The following LRP1B variants were observed in gnomAD, a reference collection of about 807,000 sequenced individuals.
LRP1B encodes low-density lipoprotein receptor-related protein 1B.
LRP1B carries 217 observed loss-of-function variants against 556.6 expected under a neutral mutation model. The ratio of observed to expected loss-of-function variants is 0.39; its 90% CI spans 0.35 to 0.44. The LOEUF (loss-of-function observed/expected upper bound fraction) is 0.44. LRP1B is among the 20% of genes least tolerant of loss of function. The probability of loss-of-function intolerance (pLI) is 1.00; values close to 1 mark genes in which losing one functional copy is unlikely to be tolerated. For synonymous variants in LRP1B, 2,047 were observed against 1,865.8 expected, an observed-to-expected ratio of 1.10 and a Z score of -2.50; for missense variants, 5,053 against 5,620.8, an observed-to-expected ratio of 0.90 and a Z score of 3.23.
Position 140,615,768 on chromosome 2 carries a change from C to CCTTGTACTAGGCTCTTCT in LRP1B, c.6800-14130_6800-14129insAGAAGAGCCTAGTACAAG, listed in dbSNP as rs58884582. On this transcript the variant is annotated intron_variant, in intron 41 of 90. Coordinates refer to ENST00000389484, the MANE Select transcript of LRP1B (RefSeq NM_018557.3). ...GATAAATACCTTCTCAACATGCCTT[C>CCTTGTACTAGGCTCTTCT]CTCACCTCTTTACACTTGTCCATAT... Among the ~76,000 whole-genome samples the CCTTGTACTAGGCTCTTCT allele has an allele frequency of 1.0e-3, 155 of 152,120 alleles. 5 individuals are homozygous for CCTTGTACTAGGCTCTTCT. In the South Asian group the frequency reaches 0.031, roughly 30 times the overall value.
At chr2:140,863,466 A>C (rs1692858764) in intron 27 of LRP1B, among the ~76,000 whole-genome samples, 1 of 152,184 alleles carries the variant, frequency 6.6e-6, no homozygotes, top group Admixed American at 6.5e-5. Flanking sequence ...TAAGCCCTCC[A>C]TTAATTTTAA....
At chr2:141,147,938 C>G (rs1701827304) in intron 7 of LRP1B, among the ~76,000 whole-genome samples, 1 of 152,130 alleles carries the variant, frequency 6.6e-6, no homozygotes, top group African/African-American at 2.4e-5. Context: ...AATACAGTAA[C>G]ATGCTGTGCA....
At position 142,128,986 on chromosome 2, in the gene LRP1B, C is replaced by T. The variant is rs531979283; in HGVS notation, c.82+1662G>A. 1.1e-3 allele frequency among the ~76,000 whole-genome samples: 170 copies of T among 152,276 alleles called. 2 individuals are homozygous for T. Among genetic ancestry groups the T allele is most frequent in the South Asian group, 2.3e-3 (11 of 4,826 alleles). Reference sequence around the variant, plus strand: ...AATGTATACAAAAGCATTGAGAACTCAGCTTTAGATGAAGTCAAATTTCTG... The same window carrying T: ...AATGTATACAAAAGCATTGAGAACTTAGCTTTAGATGAAGTCAAATTTCTG... On this transcript the variant is annotated intron_variant, in intron 1 of 90. Coordinates refer to ENST00000389484, the MANE Select transcript of LRP1B (RefSeq NM_018557.3).
chr2:140,932,949 A>G (rs940547311), intron 20 of LRP1B, among the ~76,000 whole-genome samples: 2 of 151,432 alleles, frequency 1.3e-5, no homozygotes, highest in Admixed American at 1.3e-4. Context: ...ACATATACAC[A>G]TATACATATA....
At chr2:140,291,639 C>G (rs1683394063) in intron 84 of LRP1B, among the ~76,000 whole-genome samples, 1 of 152,010 alleles carries the variant, frequency 6.6e-6, no homozygotes, top group Non-Finnish European at 1.5e-5. Flanking sequence ...AGGACATGAA[C>G]TCATCCTTTC....
chr2:140,251,834 G>A (rs1015408880), intron 86 of LRP1B, among the ~76,000 whole-genome samples: 8 of 151,156 alleles, frequency 5.3e-5, no homozygotes, highest in Admixed American at 4.0e-4. Context: ...TTATGCAAAA[G>A]GATTTTGCAT....
intron 7 of LRP1B, among the ~76,000 whole-genome samples, chr2:141,062,720 G>T (rs983406195): frequency 3.3e-5 from 5 of 151,840 alleles, no homozygotes; most frequent in African/African-American, 1.2e-4. Context: ...GCTCAATGAC[G>T]CTATGAGTGG....
intron 3 of LRP1B, among the ~76,000 whole-genome samples, chr2:141,290,664 A>G (rs971461712): frequency 6.6e-6 from 1 of 152,154 alleles, no homozygotes; most frequent in Non-Finnish European, 1.5e-5. Flanking sequence ...AATATTAAGC[A>G]TGTATCAATG....
rs1367877453 is a variant in LRP1B at position 140,923,050 on chromosome 2, G to A, written c.3234C>T (p.Asp1078=). ...CTTTTTCATCACTACCATCTTCACA[G>A]TCTTTTTCTCCATCACAGCGCCACA... The part of the protein sequence containing the change: ...PDLWRCDGEK[D]CEDGSDEKGC... Residue 1078 remains aspartate (D), a synonymous_variant, in exon 21 of 91, where the codon GAC becomes GAT. Transcript: ENST00000389484. The A allele has an allele frequency of 6.2e-7, 1 of 1,613,148 alleles. No individual in the cohort carries two copies. The highest frequency in any genetic ancestry group is 1.1e-5 in the South Asian group (1 of 91,050).
chr2:141,233,193 A>G (rs1317800938), intron 5 of LRP1B, among the ~76,000 whole-genome samples: 4 of 152,212 alleles, frequency 2.6e-5, no homozygotes, highest in African/African-American at 9.6e-5. Flanking sequence ...ACTTAGTGAG[A>G]GGTAATGAAC....
At chr2:140,831,010 G>T (rs971364727) in intron 31 of LRP1B, among the ~76,000 whole-genome samples, 3 of 151,946 alleles carry the variant, frequency 2.0e-5, no homozygotes, top group Admixed American at 6.6e-5. Flanking sequence ...AGAAATAAAA[G>T]ATCCCTACAA....
Position 141,467,842 on chromosome 2 carries a change from G to GGA in LRP1B, c.343+12553_343+12554insTC, listed in dbSNP as rs1198960807. On this transcript the variant is annotated intron_variant, in intron 3 of 90. Transcript: ENST00000389484. ...GTTTGTTTGTTTGTTTGCGGACCGG[G>GGA]GGGGGGGGAATTCCAGCATACAGTG... Among the ~76,000 whole-genome samples the GGA allele has an allele frequency of 1.4e-4, 21 of 144,910 alleles. 2 individuals carry two copies. The highest frequency in any genetic ancestry group is 4.8e-4 in the African/African-American group (19 of 39,336).
At chr2:141,168,660 A>T (rs991178161) in intron 7 of LRP1B, among the ~76,000 whole-genome samples, 1 of 152,052 alleles carries the variant, frequency 6.6e-6, no homozygotes, top group Non-Finnish European at 1.5e-5. Flanking sequence ...TTTTTATTTT[A>T]ATTAAATTGC....
At chr2:141,111,601 C>T (rs953737219) in intron 7 of LRP1B, among the ~76,000 whole-genome samples, 5 of 152,096 alleles carry the variant, frequency 3.3e-5, no homozygotes, top group African/African-American at 4.8e-5. Context: ...TAGGGGAATA[C>T]GGTGGAGCCA....
intron 1 of LRP1B, among the ~76,000 whole-genome samples, chr2:141,852,814 A>G (rs796915387): frequency 1.3e-5 from 2 of 151,884 alleles, no homozygotes; most frequent in African/African-American, 4.8e-5. Flanking sequence ...AATACAAAAA[A>G]TTAAAAATGC....
At chr2:140,807,110 C>T (rs929400729) in intron 32 of LRP1B, among the ~76,000 whole-genome samples, 6 of 152,282 alleles carry the variant, frequency 3.9e-5, no homozygotes, top group South Asian at 2.1e-4. Flanking sequence ...AACTTGAGTT[C>T]GCCTCACTGT....
At chr2:141,671,332 T>C (rs2105412857) in intron 2 of LRP1B, among the ~76,000 whole-genome samples, 1 of 152,218 alleles carries the variant, frequency 6.6e-6, no homozygotes, top group East Asian at 1.9e-4. Flanking sequence ...CATGTGCGAA[T>C]GTTTAATTGA....
intron 7 of LRP1B, among the ~76,000 whole-genome samples, chr2:141,123,880 A>G (rs1306450041): frequency 1.3e-5 from 2 of 152,146 alleles, no homozygotes; most frequent in Admixed American, 1.3e-4. Flanking sequence ...TATAAAATAA[A>G]TGCATTTCCT....
At chr2:141,097,406 C>G (rs777980624) in intron 7 of LRP1B, among the ~76,000 whole-genome samples, 1 of 151,646 alleles carries the variant, frequency 6.6e-6, no homozygotes, top group Non-Finnish European at 1.5e-5. Context: ...TATCTGTGAA[C>G]GGATGCCACT....
Sources: allele counts gnomAD v4.1 joint callset (sites outside exome capture counted in the v4.1 genomes callset), GRCh38; gene constraint gnomAD v4.1.1; transcripts MANE v1.5; gene names NCBI Gene and HGNC (gene_info 2026-07-23, HGNC 2026-07-21).